The following BBS7 variants were observed in gnomAD, a reference collection of about 807,000 sequenced individuals.
The protein encoded by BBS7 is Bardet-Biedl syndrome 7.
BBS7 carries 50 observed loss-of-function variants against 90.3 expected under a neutral mutation model. The observed-to-expected ratio is 0.55, with a 90% CI of 0.44 to 0.70. The LOEUF (loss-of-function observed/expected upper bound fraction) is 0.70, where lower values mean the gene tolerates loss of function less well. Ranked by LOEUF, BBS7 falls within the 30% of genes least tolerant of loss-of-function variation. BBS7 has a pLI of 0.00. For missense variants in BBS7, 729 were observed against 838.9 expected, an observed-to-expected ratio of 0.87 and a Z score of 1.62; for synonymous variants, 235 against 287.4, an observed-to-expected ratio of 0.82 and a Z score of 1.85.
intron 1 of BBS7, among the ~76,000 whole-genome samples, chr4:121,869,700 GGCTAAT>G (rs903959224): frequency 6.6e-6 from 1 of 152,046 alleles, no homozygotes; most frequent in African/African-American, 2.4e-5. Flanking sequence ...CACCACACCG[GGCTAAT>G]TTTTGTACTT....
chr4:121,833,514 TTC>T, intron 14 of BBS7, 119 bp from the exon 15 acceptor site: 1 of 957,120 alleles, frequency 1.0e-6, no homozygotes, highest in Non-Finnish European at 1.6e-6. Flanking sequence ...ACATTCAATT[TTC>T]TCAGATTAAT....
chr4:121,869,941 T>C (rs575189544), intron 1 of BBS7, among the ~76,000 whole-genome samples: 163 of 152,212 alleles, frequency 1.1e-3, no homozygotes, highest in African/African-American at 2.7e-3. Context: ...AGATGGAGAT[T>C]GAGGATTAGA....
At chr4:121,842,184 C>T (rs534326457) in intron 12 of BBS7, among the ~76,000 whole-genome samples, 3 of 134,254 alleles carry the variant, frequency 2.2e-5, no homozygotes, top group Non-Finnish European at 3.1e-5. Flanking sequence ...ACCTGGGAGG[C>T]GGAGGTTGCA....
chr4:121,842,283 T>C (rs1466396087), intron 12 of BBS7, among the ~76,000 whole-genome samples: 4 of 148,620 alleles, frequency 2.7e-5, no homozygotes, highest in Non-Finnish European at 6.0e-5. Context: ...AAAAGAAAAT[T>C]ATTCTTTTAT....
At chr4:121,840,376 C>T (rs953676358) in intron 12 of BBS7, among the ~76,000 whole-genome samples, 1 of 152,160 alleles carries the variant, frequency 6.6e-6, no homozygotes, top group Non-Finnish European at 1.5e-5. Context: ...ATGTCTTTAT[C>T]AGCAGTGTGA....
chr4:121,849,346 G>GCGCGC (rs1726186619), intron 8 of BBS7, among the ~76,000 whole-genome samples: 1 of 152,134 alleles, frequency 6.6e-6, no homozygotes, highest in African/African-American at 2.4e-5. Flanking sequence ...GACCAGAGGT[G>GCGCGC]CGCGCCACAA....
At chr4:121,832,399 AATGC>A (rs1725241256) in intron 15 of BBS7, among the ~76,000 whole-genome samples, 1 of 152,152 alleles carries the variant, frequency 6.6e-6, no homozygotes, top group South Asian at 2.1e-4. Flanking sequence ...TGAGAATGAG[AATGC>A]AAAGACTTTG....
At chr4:121,849,713 C>T (rs1726212734) in intron 8 of BBS7, among the ~76,000 whole-genome samples, 1 of 152,088 alleles carries the variant, frequency 6.6e-6, no homozygotes, top group South Asian at 2.1e-4. Flanking sequence ...GCCTGTACTC[C>T]CAGCTACTCG....
intron 15 of BBS7, among the ~76,000 whole-genome samples, chr4:121,829,226 C>T (rs528834421): frequency 6.7e-6 from 1 of 149,484 alleles, no homozygotes; most frequent in South Asian, 2.1e-4. Context: ...GGTCAGAGGA[C>T]CATTATTTTT....
Position 121,839,701 on chromosome 4 carries a change from G to A in BBS7, c.1306-5C>T, listed in dbSNP as rs1475632900. On this transcript the variant is annotated splice_polypyrimidine_tract_variant and splice_region_variant and intron_variant, in intron 12 of 18. Transcript: ENST00000264499. ...AAGAAGGAAGTTGTCGTTTGACTGG[G>A]AAGAATACAAAGTGGAGGAAAAGAA... 1.4e-5 allele frequency: 22 copies of A among 1,611,984 alleles called. No homozygotes were observed. The highest frequency in any genetic ancestry group is 1.7e-5 in the Non-Finnish European group (20 of 1,178,358).
rs375865529 is a variant in BBS7 at position 121,832,009 on chromosome 4, A to AACACACACACACACACACACAC, written c.1676+1200_1676+1221dup. ...AATAACACAAAGCAAAAAAAACAAA[A>AACACACACACACACACACACAC]ACACACACACACACACACACACACA... On this transcript the variant is annotated intron_variant, in intron 15 of 18. Transcript: ENST00000264499. 3.4e-4 allele frequency among the ~76,000 whole-genome samples: 48 copies of AACACACACACACACACACACAC among 142,872 alleles called. 1 individual carries two copies. The highest frequency in any genetic ancestry group is 1.1e-3 in the South Asian group (5 of 4,454). The allele number at this position is 142,872 out of a possible 152,430, so 93.7% of individuals were successfully genotyped here.
At chr4:121,851,655 A>G (rs781130617) in intron 8 of BBS7, among the ~76,000 whole-genome samples, 2 of 152,252 alleles carry the variant, frequency 1.3e-5, no homozygotes, top group Non-Finnish European at 2.9e-5. Context: ...TGCAATGTTT[A>G]AAGTATACAT....
intron 18 of BBS7, 64 bp from the exon 19 acceptor site, chr4:121,826,057 CTAAAG>C (rs1724892831): frequency 4.5e-6 from 6 of 1,329,158 alleles, no homozygotes; most frequent in Admixed American, 3.7e-5. Flanking sequence ...CAGTATTTCA[CTAAAG>C]TAATTGCTTG....
At chr4:121,834,784 A>G (rs1725365980) in intron 14 of BBS7, among the ~76,000 whole-genome samples, 1 of 152,182 alleles carries the variant, frequency 6.6e-6, no homozygotes, top group African/African-American at 2.4e-5. Flanking sequence ...GAAGAAATAT[A>G]AAGGAAATAT....
In BBS7 at chr4:121,859,236, G is replaced by A. The variant is rs191572771; in HGVS notation, c.342-58C>T. 2.3e-3 allele frequency: 3,401 copies of A among 1,482,740 alleles called. 9 individuals are homozygous for A. Among genetic ancestry groups the A allele is most frequent in the Non-Finnish European group, 2.8e-3 (2,938 of 1,062,752 alleles). 91.8% of individuals were successfully genotyped at this position (1,482,740 alleles called of 1,614,324 possible). On this transcript the variant is annotated intron_variant, in intron 4 of 18. Transcript: ENST00000264499. ...AAGCACAGGTACTGAATTTTTTTCAGAGATAAAAACAGAAAAATGTATACA... is the reference window on the plus strand; with the variant it reads ...AAGCACAGGTACTGAATTTTTTTCAAAGATAAAAACAGAAAAATGTATACA...
intron 7 of BBS7, 64 bp downstream of exon 7, chr4:121,854,636 AAATT>A: frequency 6.9e-7 from 1 of 1,450,270 alleles, no homozygotes; most frequent in South Asian, 1.3e-5. Context: ...AAAATAGAAT[AAATT>A]ATATAATTTA....
At chr4:121,850,233 T>C (rs1234729342) in intron 8 of BBS7, among the ~76,000 whole-genome samples, 1 of 151,992 alleles carries the variant, frequency 6.6e-6, no homozygotes, top group Non-Finnish European at 1.5e-5. Context: ...TGCATGATCA[T>C]GGCTCACTGC....
At position 121,828,204 on chromosome 4, in the gene BBS7, C is replaced by G. The variant is rs1040978407; in HGVS notation, c.1956G>C (p.Glu652Asp). 3.1e-6 allele frequency: 5 copies of G among 1,613,678 alleles called. No individual in the cohort carries two copies. Among genetic ancestry groups the G allele is most frequent in the Non-Finnish European group, 3.4e-6 (4 of 1,179,846 alleles). Residue 652 changes from glutamate to aspartate, a missense_variant, in exon 18 of 19, where the codon GAG becomes GAC. Glu to Asp is a conservative substitution (Grantham distance 45). Transcript: ENST00000264499. ...TGTATTCTTCCTGTAGGTGATCTGC[C>G]TCTTCTAGAATACAGTGATATTCTG... is the stretch of plus-strand genomic sequence containing the variant. Reference protein sequence around the residue: ...LIPEYHCILEEADHLQEEYKK... With the variant: ...LIPEYHCILEDADHLQEEYKK...
intron 13 of BBS7, among the ~76,000 whole-genome samples, chr4:121,838,899 A>G (rs1313387517): frequency 2.3e-5 from 3 of 128,286 alleles, no homozygotes; most frequent in Non-Finnish European, 3.6e-5. Flanking sequence ...GCGAGACTCC[A>G]TCTCAAAAAA....
Sources: allele counts gnomAD v4.1 joint callset (sites outside exome capture counted in the v4.1 genomes callset), GRCh38; gene constraint gnomAD v4.1.1; transcripts MANE v1.5; gene names NCBI Gene and HGNC (gene_info 2026-07-23, HGNC 2026-07-21).